The following PLSCR4 variants were observed in gnomAD, a reference collection of about 807,000 sequenced individuals.
The protein encoded by PLSCR4 is phospholipid scramblase 4.
In PLSCR4, 25 loss-of-function variants were observed where a neutral mutation model predicts 36.3. The observed-to-expected ratio is 0.69, with a 90% CI of 0.50 to 0.96. The LOEUF (loss-of-function observed/expected upper bound fraction) is 0.96, where lower values mean the gene tolerates loss of function less well. Ranked by LOEUF, PLSCR4 falls within the 40% of genes least tolerant of loss-of-function variation. The probability of loss-of-function intolerance (pLI) is 0.00; values close to 1 mark genes in which losing one functional copy is unlikely to be tolerated. For missense variants in PLSCR4, 408 were observed against 414.7 expected (o/e 0.98, Z 0.14); for synonymous variants, 122 against 132.9 (o/e 0.92, Z 0.56).
At position 146,206,704 on chromosome 3, in the gene PLSCR4, C is replaced by A; in HGVS notation, c.176G>T (p.Gly59Val). The A allele has an allele frequency of 6.2e-7, 1 of 1,611,410 alleles. No homozygotes were observed. Among genetic ancestry groups the A allele is most frequent in the Non-Finnish European group, 8.5e-7 (1 of 1,178,616 alleles). ...ACTGGGTTGCTGTGGACTGTAGTAT[C>A]CCATAGGCAAGCCTCCTGGGTAGCC... ...PTGYPGGLPM[G>V]YYSPQQPSTF... is the part of the protein sequence containing the mutation. The change falls in exon 4 of 9, where the codon GGA becomes GTA. Residue 59 changes from glycine to valine, a missense_variant. Coordinates refer to ENST00000354952, the MANE Select transcript of PLSCR4 (RefSeq NM_020353.3).
At chr3:146,237,887 A>C (rs1031221911) in intron 1 of PLSCR4, among the ~76,000 whole-genome samples, 1 of 151,944 alleles carries the variant, frequency 6.6e-6, no homozygotes. Context: ...ATAAAAAAGA[A>C]AATCAAAAAA....
At position 146,193,945 on chromosome 3, in the gene PLSCR4, T is replaced by TG. The variant is rs1315805806; in HGVS notation, c.*465_*466insC. 6.5e-6 allele frequency: 1 copy of TG among 152,746 alleles called. No homozygotes were observed. The highest frequency in any genetic ancestry group is 1.5e-5 in the Non-Finnish European group (1 of 68,436). 9.5% of individuals were successfully genotyped at this position (152,746 alleles called of 1,614,324 possible). ...TTCTGTCTGCCTGCCTTTTTGTTTT[T>TG]AAAAATGAAGACTATCATTGAAACA... On this transcript the variant is annotated 3_prime_UTR_variant, in exon 9 of 9. Coordinates refer to ENST00000354952, the MANE Select transcript of PLSCR4 (RefSeq NM_020353.3).
At chr3:146,215,116 T>A (rs2034833135) in intron 3 of PLSCR4, among the ~76,000 whole-genome samples, 1 of 152,076 alleles carries the variant, frequency 6.6e-6, no homozygotes, top group South Asian at 2.1e-4. Flanking sequence ...AACTCTGTTT[T>A]GATACAGCAT....
intron 4 of PLSCR4, among the ~76,000 whole-genome samples, chr3:146,206,224 T>G (rs2034319799): frequency 6.6e-6 from 1 of 152,096 alleles, no homozygotes; most frequent in Admixed American, 6.6e-5. Context: ...ATAACACAAC[T>G]ATCCTCTATG....
At chr3:146,242,726 C>T (rs1340883117) in intron 1 of PLSCR4, among the ~76,000 whole-genome samples, 1 of 152,096 alleles carries the variant, frequency 6.6e-6, no homozygotes, top group African/African-American at 2.4e-5. Context: ...CTTTTCGAGA[C>T]GAATGGGAGA....
chr3:146,227,300 T>G (rs1056348193), intron 1 of PLSCR4, among the ~76,000 whole-genome samples: 3 of 152,174 alleles, frequency 2.0e-5, no homozygotes, highest in African/African-American at 7.2e-5. Context: ...CAGGGGAATC[T>G]GGGCTGCCTG....
At chr3:146,210,888 T>C (rs1161073130) in intron 3 of PLSCR4, among the ~76,000 whole-genome samples, 3 of 151,964 alleles carry the variant, frequency 2.0e-5, no homozygotes, top group Non-Finnish European at 2.9e-5. Flanking sequence ...GGTTCATCCA[T>C]GTTGTAGCAC....
chr3:146,225,951 G>A (rs537351791), intron 1 of PLSCR4, among the ~76,000 whole-genome samples: 19 of 152,354 alleles, frequency 1.2e-4, no homozygotes, highest in African/African-American at 4.1e-4. Context: ...CCGAGAGCGA[G>A]GGCTCTGAGG....
At chr3:146,247,227 T>C (rs1576504372) in intron 1 of PLSCR4, among the ~76,000 whole-genome samples, 2 of 152,306 alleles carry the variant, frequency 1.3e-5, no homozygotes, top group East Asian at 3.9e-4. Flanking sequence ...CCTGTGGATC[T>C]GTGCATTAAA....
At chr3:146,241,028 A>G (rs901914182) in intron 1 of PLSCR4, among the ~76,000 whole-genome samples, 3 of 152,154 alleles carry the variant, frequency 2.0e-5, no homozygotes, top group African/African-American at 4.8e-5. Flanking sequence ...ATGGCTATAC[A>G]TGCTATATCC....
intron 1 of PLSCR4, among the ~76,000 whole-genome samples, chr3:146,247,641 G>A (rs1244462852): frequency 6.6e-6 from 1 of 151,834 alleles, no homozygotes; most frequent in African/African-American, 2.4e-5. Flanking sequence ...TTTTATTTTT[G>A]AGGCAGGGTC....
chr3:146,209,687 T>C (rs1422788878), intron 3 of PLSCR4, among the ~76,000 whole-genome samples: 2 of 152,072 alleles, frequency 1.3e-5, no homozygotes, highest in Non-Finnish European at 2.9e-5. Flanking sequence ...TTTTTAAGAT[T>C]AATTAATTAA....
intron 1 of PLSCR4, among the ~76,000 whole-genome samples, chr3:146,238,455 G>A (rs905440134): frequency 6.6e-6 from 1 of 151,700 alleles, no homozygotes; most frequent in African/African-American, 2.4e-5. Flanking sequence ...GACCAAGTGG[G>A]ATTTATTGTA....
In PLSCR4 at chr3:146,225,335, T is replaced by C. The variant is rs569857221; in HGVS notation, c.-21-3243A>G. ...TGAGCTAGACATAAAGACTCTCCAC[T>C]TCCCCACCAGACTCAGGAGCACAGC... On this transcript the variant is annotated intron_variant, in intron 1 of 8. Coordinates refer to ENST00000354952, the MANE Select transcript of PLSCR4 (RefSeq NM_020353.3). Among the ~76,000 whole-genome samples the C allele has an allele frequency of 5.4e-4, 83 of 152,314 alleles. 5 individuals carry two copies. The Middle Eastern group carries it at 0.01, about 19-fold the overall frequency.
At chr3:146,225,619 C>G (rs1191906220) in intron 1 of PLSCR4, among the ~76,000 whole-genome samples, 1 of 152,220 alleles carries the variant, frequency 6.6e-6, no homozygotes, top group Non-Finnish European at 1.5e-5. Context: ...GAGCACAGCA[C>G]CGGTGGGCTG....
At chr3:146,242,402 C>T (rs2036189252) in intron 1 of PLSCR4, among the ~76,000 whole-genome samples, 1 of 152,122 alleles carries the variant, frequency 6.6e-6, no homozygotes. Context: ...CCAGTGTACT[C>T]ACTGCTCTTT....
At chr3:146,248,385 AATAAT>A (rs2036424261) in intron 1 of PLSCR4, among the ~76,000 whole-genome samples, 1 of 152,116 alleles carries the variant, frequency 6.6e-6, no homozygotes, top group African/African-American at 2.4e-5. Flanking sequence ...CACTACTCAT[AATAAT>A]ATAATTCGGC....
chr3:146,250,129 G>T (rs1300015892), intron 1 of PLSCR4, among the ~76,000 whole-genome samples: 2 of 152,172 alleles, frequency 1.3e-5, no homozygotes, highest in Non-Finnish European at 2.9e-5. Flanking sequence ...AGAGTGTAAT[G>T]ATTAGCATTC....
Position 146,196,653 on chromosome 3 carries a change from A to C in PLSCR4, c.765T>G (p.Cys255Trp). The C allele has an allele frequency of 6.2e-7, 1 of 1,613,960 alleles. No individual in the cohort carries two copies. Among genetic ancestry groups the C allele is most frequent in the South Asian group, 1.1e-5 (1 of 91,080 alleles). The change falls in exon 7 of 9, where the codon TGT becomes TGG. Residue 255 changes from cysteine to tryptophan, a missense_variant. Physicochemically the swap from Cys to Trp is radical, Grantham distance 215 (BLOSUM62 -2). Coordinates refer to ENST00000354952, the MANE Select transcript of PLSCR4 (RefSeq NM_020353.3). ...TCACCTCAAAAACAGAATCTGAACC[A>C]CAGCCATAGGTTGAGCATGGCCCAC... ...RVRGPCSTYG[C>W]GSDSVFEVKS...
Sources: gnomAD v4.1 joint callset for allele counts (sites outside exome capture counted in the v4.1 genomes callset) on GRCh38, gnomAD v4.1.1 for gene constraint, MANE v1.5 for transcripts, NCBI Gene and HGNC (gene_info 2026-07-23, HGNC 2026-07-21) for gene names.